The following AGBL4 variants were observed in gnomAD, a reference collection of about 807,000 sequenced individuals.
AGBL4 encodes the protein AGBL carboxypeptidase 4.
In AGBL4, 58 loss-of-function variants were observed where a neutral mutation model predicts 66.4. The ratio of observed to expected loss-of-function variants is 0.87; its 90% CI spans 0.71 to 1.09. The LOEUF is 1.09. Among genes scored for constraint, AGBL4 ranks in the 50% least tolerant of loss-of-function variants. The pLI, the probability that AGBL4 is intolerant of heterozygous loss-of-function variation, is 0.00. For missense variants in AGBL4, 579 were observed against 631.0 expected (o/e 0.92, Z 0.88); for synonymous variants, 234 against 222.9 (o/e 1.05, Z -0.44).
intron 3 of AGBL4, among the ~76,000 whole-genome samples, chr1:49,601,580 A>T (rs1352183872): frequency 1.3e-5 from 2 of 152,120 alleles, no homozygotes; most frequent in African/African-American, 2.4e-5. Context: ...TGTGACAAAC[A>T]TGACAAAAAC....
At chr1:49,203,388 G>T (rs1257709794) in intron 4 of AGBL4, among the ~76,000 whole-genome samples, 1 of 152,034 alleles carries the variant, frequency 6.6e-6, no homozygotes, top group Non-Finnish European at 1.5e-5. Flanking sequence ...ATGAATAAAT[G>T]AATGAATAAA....
chr1:49,603,934 AC>A (rs1645015361), intron 3 of AGBL4, among the ~76,000 whole-genome samples: 2 of 5,328 alleles, frequency 3.8e-4, no homozygotes, highest in Non-Finnish European at 7.1e-4. Context: ...TGGTATACAC[AC>A]ACACACACAC....
At chr1:48,933,140 T>C (rs1655171394) in intron 5 of AGBL4, among the ~76,000 whole-genome samples, 1 of 152,202 alleles carries the variant, frequency 6.6e-6, no homozygotes, top group Admixed American at 6.5e-5. Context: ...TTAATCATAG[T>C]CTCTACCTTC....
At chr1:48,631,938 A>G (rs971906529) in intron 9 of AGBL4, among the ~76,000 whole-genome samples, 1 of 152,236 alleles carries the variant, frequency 6.6e-6, no homozygotes, top group Non-Finnish European at 1.5e-5. Flanking sequence ...AACCCCTGAC[A>G]TATCTTATAA....
intron 3 of AGBL4, among the ~76,000 whole-genome samples, chr1:49,453,283 T>C (rs1233306518): frequency 2.6e-5 from 4 of 151,854 alleles, no homozygotes; most frequent in Non-Finnish European, 4.4e-5. Flanking sequence ...AAAATAAAAC[T>C]GTTAAATTCC....
At chr1:49,164,924 C>T (rs1646606251) in intron 4 of AGBL4, among the ~76,000 whole-genome samples, 1 of 152,070 alleles carries the variant, frequency 6.6e-6, no homozygotes, top group African/African-American at 2.4e-5. Flanking sequence ...TTGCTTAGCT[C>T]CCTGTTGGGT....
intron 5 of AGBL4, among the ~76,000 whole-genome samples, chr1:49,015,145 G>A (rs1343749387): frequency 5.9e-5 from 9 of 152,054 alleles, no homozygotes; most frequent in Admixed American, 5.9e-4. Flanking sequence ...AGAACCTTAT[G>A]TTTCACTCTG....
chr1:48,769,703 CTAACAGT>C (rs1570606279), intron 6 of AGBL4, among the ~76,000 whole-genome samples: 1 of 152,112 alleles, frequency 6.6e-6, no homozygotes, highest in Non-Finnish European at 1.5e-5. Flanking sequence ...ACTGTAGTTC[CTAACAGT>C]TATCTATATT....
At chr1:49,068,421 C>T (rs920748465) in intron 4 of AGBL4, among the ~76,000 whole-genome samples, 1 of 150,982 alleles carries the variant, frequency 6.6e-6, no homozygotes, top group African/African-American at 2.4e-5. Flanking sequence ...TGATGTTCCC[C>T]TCCCGGTGTC....
intron 7 of AGBL4, among the ~76,000 whole-genome samples, chr1:48,656,811 A>T (rs1413357203): frequency 2.6e-5 from 4 of 152,056 alleles, no homozygotes; most frequent in Non-Finnish European, 4.4e-5. Flanking sequence ...TAAACCCGGG[A>T]TTCATAAAGA....
At chr1:49,503,236 T>G (rs1167297) in intron 3 of AGBL4, among the ~76,000 whole-genome samples, 104,076 of 151,946 alleles carry the variant, frequency 0.68, 36,530 homozygotes, top group African/African-American at 0.78. Flanking sequence ...ATGTGGTGTT[T>G]TTCCTGTGGG....
At chr1:49,102,403 A>T (rs968133354) in intron 4 of AGBL4, among the ~76,000 whole-genome samples, 1 of 152,170 alleles carries the variant, frequency 6.6e-6, no homozygotes, top group Non-Finnish European at 1.5e-5. Flanking sequence ...TTGAAATAAA[A>T]GTTTTGTTAT....
chr1:49,938,979 A>C (rs1433871169), intron 1 of AGBL4, among the ~76,000 whole-genome samples: 1 of 152,104 alleles, frequency 6.6e-6, no homozygotes, highest in Non-Finnish European at 1.5e-5. Context: ...AAATCTCCTT[A>C]AGCTGATAAG....
At chr1:48,581,461 A>G (rs2148332076) in intron 11 of AGBL4, among the ~76,000 whole-genome samples, 1 of 152,338 alleles carries the variant, frequency 6.6e-6, no homozygotes. Context: ...CCATTATGTC[A>G]AAGAGCTATT....
At chr1:48,918,667 A>C (rs1653824709) in intron 5 of AGBL4, among the ~76,000 whole-genome samples, 1 of 152,118 alleles carries the variant, frequency 6.6e-6, no homozygotes, top group African/African-American at 2.4e-5. Context: ...CTCTCACCGA[A>C]ACCTGACCAT....
chr1:49,655,456 T>G (rs1646105583), intron 3 of AGBL4, among the ~76,000 whole-genome samples: 1 of 152,168 alleles, frequency 6.6e-6, no homozygotes, highest in African/African-American at 2.4e-5. Context: ...TGGCATTCTC[T>G]GTATTTCCTG....
chr1:49,503,588 G>A (rs772088465), intron 3 of AGBL4, among the ~76,000 whole-genome samples: 1 of 152,170 alleles, frequency 6.6e-6, no homozygotes, highest in African/African-American at 2.4e-5. Flanking sequence ...AAAGCCACAG[G>A]GGCAGAGCTG....
At chr1:49,948,098 G>GTA (rs557776678) in intron 1 of AGBL4, among the ~76,000 whole-genome samples, 2,719 of 87,602 alleles carry the variant, frequency 0.031, 59 homozygotes, top group Non-Finnish European at 0.039. Context: ...ATATGTATAT[G>GTA]TATATATATG....
chr1:48,815,604 T>C (rs1558014044), intron 6 of AGBL4, among the ~76,000 whole-genome samples: 1 of 152,212 alleles, frequency 6.6e-6, no homozygotes, highest in Non-Finnish European at 1.5e-5. Flanking sequence ...GTAAACTATA[T>C]TTAATTCCTC....
Sources: gnomAD v4.1 joint callset for allele counts (sites outside exome capture counted in the v4.1 genomes callset) on GRCh38, gnomAD v4.1.1 for gene constraint, MANE v1.5 for transcripts, NCBI Gene and HGNC (gene_info 2026-07-23, HGNC 2026-07-21) for gene names.